SLC44A5: variants seen among roughly 807,000 people sequenced by gnomAD.
SLC44A5 encodes choline transporter-like protein 5.
Under a neutral mutation model 101.8 loss-of-function variants are expected in SLC44A5, and 57 were observed. The observed-to-expected ratio is 0.56, with a 90% confidence interval of 0.45 to 0.70. The LOEUF (loss-of-function observed/expected upper bound fraction) is 0.70, where lower values mean the gene tolerates loss of function less well. Among genes scored for constraint, SLC44A5 ranks in the 30% least tolerant of loss-of-function variants. SLC44A5 has a pLI of 0.00. For synonymous variants in SLC44A5, 281 were observed against 290.9 expected (o/e 0.97, Z 0.35); for missense variants, 737 against 853.1 (o/e 0.86, Z 1.70).
chr1:75,515,478 T>C (rs2101881547), intron 2 of SLC44A5, among the ~76,000 whole-genome samples: 1 of 152,326 alleles, frequency 6.6e-6, no homozygotes, highest in East Asian at 1.9e-4. Context: ...ACCTTCCGCT[T>C]CTGTTAGTTC....
chr1:75,311,646 A>G (rs1655308547), intron 4 of SLC44A5: 1 of 835,022 alleles, frequency 1.2e-6, no homozygotes, highest in South Asian at 5.5e-5. Context: ...GGCAGATGCT[A>G]TGAAACGTTG....
rs548170213 is a variant in SLC44A5, at chr1:75,499,516, C to A, written c.13+41919G>T. On this transcript the variant is annotated intron_variant, in intron 2 of 23. Coordinates refer to ENST00000370859, the MANE Select transcript of SLC44A5 (RefSeq NM_001130058.2). The stretch of plus-strand genomic sequence containing the variant: ...TCCATGGTTCGGGGGTTGGGGAACC[C>A]TGCTCTAAGGTGTTCACCCAATTAT... Among the ~76,000 whole-genome samples, 12 of 152,314 alleles carry A rather than the reference C, an allele frequency of 7.9e-5. No individual in the cohort carries two copies. The South Asian group carries it at 2.5e-3, about 32-fold the overall frequency.
the SLC44A5 span, among the ~76,000 whole-genome samples, chr1:75,702,955 A>G: frequency 2.6e-5 from 4 of 152,150 alleles, no homozygotes; most frequent in East Asian, 1.9e-4. Flanking sequence ...CAAAACCACA[A>G]TGAGATACCA....
chr1:75,237,286 G>T (rs1359656371), intron 10 of SLC44A5, among the ~76,000 whole-genome samples: 1 of 152,066 alleles, frequency 6.6e-6, no homozygotes, highest in Non-Finnish European at 1.5e-5. Context: ...AGAGAACATG[G>T]TTTTCAAGAA....
intron 2 of SLC44A5, among the ~76,000 whole-genome samples, chr1:75,449,637 T>A (rs568566368): frequency 6.6e-6 from 1 of 152,294 alleles, no homozygotes; most frequent in Admixed American, 6.5e-5. Flanking sequence ...TTTATAGAAA[T>A]CTATTTAACC....
chr1:75,545,965 T>C (rs417652), intron 1 of SLC44A5, among the ~76,000 whole-genome samples: 144,366 of 151,824 alleles, frequency 0.95, 68,677 homozygotes, highest in East Asian at 0.98. Context: ...GTAGCTGGGA[T>C]GATGGGTGTG....
At chr1:75,614,984 C>A (rs1233772951), upstream of SLC44A5, among the ~76,000 whole-genome samples, 1 of 152,090 alleles carries the variant, frequency 6.6e-6, no homozygotes, top group Non-Finnish European at 1.5e-5. Context: ...ACCTGCTCCC[C>A]GCGCGCCGGC....
At chr1:75,684,076 C>T in the SLC44A5 span, among the ~76,000 whole-genome samples, 1 of 152,098 alleles carries the variant, frequency 6.6e-6, no homozygotes, top group Non-Finnish European at 1.5e-5. Flanking sequence ...AAAGGAAAAG[C>T]AAAGGTACAT....
At chr1:75,529,651 A>G (rs796435813) in intron 2 of SLC44A5, among the ~76,000 whole-genome samples, 39 of 152,284 alleles carry the variant, frequency 2.6e-4, no homozygotes, top group African/African-American at 9.1e-4. Context: ...ATCTAGTACA[A>G]TAAGAAAAAT....
intron 2 of SLC44A5, among the ~76,000 whole-genome samples, chr1:75,512,318 G>A (rs147536151): frequency 3.9e-5 from 6 of 152,148 alleles, no homozygotes; most frequent in African/African-American, 9.6e-5. Context: ...AGTTTACTCC[G>A]AGCCGAAGGC....
the SLC44A5 span, among the ~76,000 whole-genome samples, chr1:75,634,765 T>C: frequency 0.044 from 6,647 of 151,958 alleles, 203 homozygotes; most frequent in African/African-American, 0.091. Context: ...AAGGACTTCA[T>C]GTCTAAAACA....
At chr1:75,412,691 T>G (rs1010877437) in intron 2 of SLC44A5, among the ~76,000 whole-genome samples, 5 of 152,218 alleles carry the variant, frequency 3.3e-5, no homozygotes, top group African/African-American at 1.2e-4. Flanking sequence ...ACAGAAAGTT[T>G]CAGAAATAAA....
intron 1 of SLC44A5, among the ~76,000 whole-genome samples, chr1:75,588,643 G>A (rs1480622066): frequency 6.6e-6 from 1 of 152,102 alleles, no homozygotes; most frequent in Admixed American, 6.6e-5. Flanking sequence ...ATCATTTGGG[G>A]AACATTGTAC....
chr1:75,256,901 T>C (rs1219836544), intron 6 of SLC44A5, among the ~76,000 whole-genome samples: 2 of 152,148 alleles, frequency 1.3e-5, no homozygotes, highest in African/African-American at 2.4e-5. Context: ...TAAGATAATG[T>C]ATATGAGTTA....
At chr1:75,257,237 T>C (rs1650090137) in intron 6 of SLC44A5, among the ~76,000 whole-genome samples, 1 of 152,186 alleles carries the variant, frequency 6.6e-6, no homozygotes, top group South Asian at 2.1e-4. Flanking sequence ...GAGATATTTT[T>C]GCCATTTTGT....
intron 7 of SLC44A5, among the ~76,000 whole-genome samples, chr1:75,244,607 A>T (rs1648945522): frequency 6.6e-6 from 1 of 152,036 alleles, no homozygotes. Context: ...GTCTTTTACC[A>T]ATACCATCTA....
At chr1:75,648,818 T>A in the SLC44A5 span, among the ~76,000 whole-genome samples, 2 of 99,840 alleles carry the variant, frequency 2.0e-5, no homozygotes, top group African/African-American at 8.0e-5. Flanking sequence ...ATTATGAGCA[T>A]GGGCAAACAA....
intron 2 of SLC44A5, among the ~76,000 whole-genome samples, chr1:75,529,646 G>C (rs1670612101): frequency 6.6e-6 from 1 of 152,056 alleles, no homozygotes; most frequent in African/African-American, 2.4e-5. Flanking sequence ...AGTAAATCTA[G>C]TACAATAAGA....
the SLC44A5 span, among the ~76,000 whole-genome samples, chr1:75,649,531 A>G: frequency 6.6e-6 from 1 of 152,064 alleles, no homozygotes; most frequent in Non-Finnish European, 1.5e-5. Context: ...GAACCAGGAG[A>G]CCTGATCTAA....
Sources: allele counts gnomAD v4.1 joint callset (sites outside exome capture counted in the v4.1 genomes callset), GRCh38; gene constraint gnomAD v4.1.1; transcripts MANE v1.5; gene names NCBI Gene and HGNC (gene_info 2026-07-23, HGNC 2026-07-21).